The following KIF21A variants were observed in gnomAD, a reference collection of about 807,000 sequenced individuals.
KIF21A encodes kinesin family member 21A, also known as kinesin-like protein KIF21A.
In KIF21A, 114 loss-of-function variants were observed where a neutral mutation model predicts 202.9. The ratio of observed to expected loss-of-function variants is 0.56; its 90% CI spans 0.48 to 0.66. KIF21A has a LOEUF of 0.66. KIF21A is among the 30% of genes least tolerant of loss of function. KIF21A has a pLI of 0.00. For missense variants in KIF21A, 1,677 were observed against 1,994.9 expected (o/e 0.84, Z 3.04); for synonymous variants, 667 against 670.8 (o/e 0.99, Z 0.09).
At position 39,332,339 on chromosome 12, in the gene KIF21A, C is replaced by G. The variant is rs1001479403; in HGVS notation, c.2926G>C (p.Gly976Arg). The G allele has an allele frequency of 6.2e-7, 1 of 1,613,802 alleles. No individual in the cohort carries two copies. The highest frequency in any genetic ancestry group is 8.5e-7 in the Non-Finnish European group (1 of 1,179,878). Residue 976 changes from glycine to arginine, a missense_variant, in exon 21 of 38, where the codon GGA becomes CGA. Around this residue, in one of 3 missense-constraint regions of KIF21A, gnomAD observed 966 missense variants for 1,180.9 expected, o/e 0.82. Transcript: ENST00000361418. The part of the protein sequence containing the change: ...KRREKIVKEN[G>R]EGDKNVANIN... ...TTAGCCACATTTTTATCTCCCTCTCCATTCTCCTTGACTATCTTCTCCCTT... is the reference window on the plus strand; with the variant it reads ...TTAGCCACATTTTTATCTCCCTCTCGATTCTCCTTGACTATCTTCTCCCTT...
At chr12:39,394,322 C>G (rs1036321815) in intron 1 of KIF21A, among the ~76,000 whole-genome samples, 2 of 152,192 alleles carry the variant, frequency 1.3e-5, no homozygotes, top group Non-Finnish European at 2.9e-5. Context: ...TTAACCAAAT[C>G]TTTAAAGAAA....
At chr12:39,424,285 CACT>C (rs1954576036) in intron 1 of KIF21A, among the ~76,000 whole-genome samples, 1 of 152,166 alleles carries the variant, frequency 6.6e-6, no homozygotes, top group Admixed American at 6.5e-5. Context: ...TCTCCTACCT[CACT>C]ACTACTAACC....
chr12:39,376,287 A>G (rs1254742461), intron 1 of KIF21A, among the ~76,000 whole-genome samples: 2 of 152,140 alleles, frequency 1.3e-5, no homozygotes, highest in African/African-American at 2.4e-5. Context: ...AAAAGTCATA[A>G]TCCCAAAATT....
At chr12:39,388,296 T>G (rs1490504421) in intron 1 of KIF21A, among the ~76,000 whole-genome samples, 1 of 152,216 alleles carries the variant, frequency 6.6e-6, no homozygotes, top group East Asian at 1.9e-4. Context: ...ATGTAATCTC[T>G]GCATAATGCT....
At chr12:39,391,673 A>G (rs934348117) in intron 1 of KIF21A, among the ~76,000 whole-genome samples, 1 of 152,228 alleles carries the variant, frequency 6.6e-6, no homozygotes, top group African/African-American at 2.4e-5. Flanking sequence ...AATCACATAT[A>G]TTAAATCTAC....
At chr12:39,401,716 T>A (rs1365312766) in intron 1 of KIF21A, among the ~76,000 whole-genome samples, 3 of 152,200 alleles carry the variant, frequency 2.0e-5, no homozygotes, top group Non-Finnish European at 4.4e-5. Context: ...GAGAAGTGTT[T>A]AATGTTGTCA....
In KIF21A at chr12:39,311,564, G is replaced by GA. The variant is rs1565689613; in HGVS notation, c.3960-12dup. On this transcript the variant is annotated splice_polypyrimidine_tract_variant and intron_variant, in intron 31 of 37. Transcript: ENST00000361418. The stretch of plus-strand genomic sequence containing the variant: ...GGGTTGATTATGCCCCTAAGGTGGG[G>GA]AAAAAACAAACAAACCAAGACTCAC... 2.5e-6 allele frequency: 4 copies of GA among 1,612,102 alleles called. No individual in the cohort carries two copies. Among genetic ancestry groups the GA allele is most frequent in the East Asian group, 2.2e-5 (1 of 44,772 alleles).
intron 1 of KIF21A, among the ~76,000 whole-genome samples, chr12:39,378,510 C>T (rs1242710192): frequency 1.3e-5 from 2 of 152,170 alleles, no homozygotes; most frequent in African/African-American, 4.8e-5. Flanking sequence ...TCTACTCCCA[C>T]AAAACTGAGG....
At chr12:39,398,726 C>T (rs1951942283) in intron 1 of KIF21A, among the ~76,000 whole-genome samples, 1 of 152,128 alleles carries the variant, frequency 6.6e-6, no homozygotes, top group African/African-American at 2.4e-5. Flanking sequence ...CTAGGTAACA[C>T]TTTACCATAG....
chr12:39,346,562 A>G, intron 11 of KIF21A, 58 bp from the exon 12 acceptor site: 9 of 1,233,148 alleles, frequency 7.3e-6, no homozygotes, highest in Non-Finnish European at 8.4e-6. Flanking sequence ...CAAACCAGAC[A>G]GTAAAAAGCG....
chr12:39,294,925 TAA>T (rs754906087), intron 37 of KIF21A, among the ~76,000 whole-genome samples: 2 of 152,234 alleles, frequency 1.3e-5, no homozygotes, highest in Non-Finnish European at 2.9e-5. Context: ...GTCATTATTC[TAA>T]AAGACAGTAT....
In KIF21A at chr12:39,366,424, C is replaced by T; in HGVS notation, c.829G>A (p.Gly277Arg). The T allele has an allele frequency of 6.2e-7, 1 of 1,613,966 alleles. No individual in the cohort carries two copies. The highest frequency in any genetic ancestry group is 8.5e-7 in the Non-Finnish European group (1 of 1,179,916). ...TAKFHFVDLA[G>R]SERLKRTGAT... ...CCAGTACGCTTCAGTCTTTCAGATC[C>T]TGCGAGATCAACAAAATGGAACTTT... The change falls in exon 6 of 38, where the codon GGA becomes AGA. Residue 277 changes from glycine to arginine, a missense_variant. Physicochemically the swap from Gly to Arg is moderately radical, Grantham distance 125. This residue lies in a region of KIF21A where 966 missense variants were observed against 1,180.9 expected (regional missense o/e 0.82). Coordinates refer to ENST00000361418, the MANE Select transcript of KIF21A (RefSeq NM_001173464.2).
intron 24 of KIF21A, among the ~76,000 whole-genome samples, chr12:39,327,781 C>T (rs1946100501): frequency 6.6e-6 from 1 of 152,248 alleles, no homozygotes; most frequent in South Asian, 2.1e-4. Flanking sequence ...GCAGGACACA[C>T]AAACAACTCA....
chr12:39,400,188 T>C (rs1952057656), intron 1 of KIF21A, among the ~76,000 whole-genome samples: 1 of 152,214 alleles, frequency 6.6e-6, no homozygotes, highest in Non-Finnish European at 1.5e-5. Flanking sequence ...TGGTTGAAAG[T>C]TATTAATGCT....
In KIF21A at chr12:39,341,177, A is replaced by C. The variant is rs1411059814; in HGVS notation, c.1922-83T>G. 3 of 1,087,534 alleles carry C rather than the reference A, an allele frequency of 2.8e-6. No homozygotes were observed. The Admixed American group carries it at 6.3e-5, about 23-fold the overall frequency. 67.4% of individuals were successfully genotyped at this position (1,087,534 alleles called of 1,614,324 possible). A position where few individuals can be genotyped will look rare whatever the true frequency, so the allele number is the denominator to read the frequency against. On this transcript the variant is annotated intron_variant, in intron 14 of 37. Transcript: ENST00000361418. ...AGCTTTCAAGCAGACCATAAAAACC[A>C]TCAACTAGGTATTTTTATTCACTTA... is the stretch of plus-strand genomic sequence containing the variant.
At chr12:39,402,934 G>C (rs1211851761) in intron 1 of KIF21A, among the ~76,000 whole-genome samples, 1 of 152,124 alleles carries the variant, frequency 6.6e-6, no homozygotes, top group Non-Finnish European at 1.5e-5. Flanking sequence ...ATAACACATT[G>C]CAAGAGAAGA....
rs146440071 is a variant in KIF21A at position 39,351,972 on chromosome 12, A to G, written c.1478T>C (p.Leu493Ser). The change falls in exon 11 of 38, where the codon TTA (leucine) becomes TCA (serine). Residue 493 changes from leucine (L) to serine (S), a missense_variant. By Grantham distance (145) the Leu-to-Ser change is moderately radical. Coordinates refer to ENST00000361418, the MANE Select transcript of KIF21A (RefSeq NM_001173464.2). ...CTCATTCACTGCTTCACTTTCTAAT[A>G]ATTTTGCCCTAGCAAATAAAAATAT... Reference protein sequence around the residue: ...IKEIEDLRAKLLESEAVNENL... With the variant: ...IKEIEDLRAKSLESEAVNENL... 3.1e-6 allele frequency: 5 copies of G among 1,612,292 alleles called. No homozygotes were observed. In the African/African-American group the frequency reaches 6.7e-5, roughly 22 times the overall value.
At chr12:39,427,615 A>G (rs972488711) in intron 1 of KIF21A, among the ~76,000 whole-genome samples, 1 of 152,252 alleles carries the variant, frequency 6.6e-6, no homozygotes, top group Non-Finnish European at 1.5e-5. Flanking sequence ...TTGATAGTCC[A>G]AAAGAAAAGA....
intron 6 of KIF21A, 33 bp downstream of exon 6, chr12:39,366,317 T>C: frequency 6.3e-7 from 1 of 1,583,776 alleles, no homozygotes. Context: ...AGAAAAGCTC[T>C]GATATATTCT....
Sources: allele counts gnomAD v4.1 joint callset (sites outside exome capture counted in the v4.1 genomes callset), GRCh38; gene constraint gnomAD v4.1.1; regional missense constraint gnomAD v4.1.1; transcripts MANE v1.5; gene names NCBI Gene and HGNC (gene_info 2026-07-23, HGNC 2026-07-21).